B4GALNT4: variants seen among roughly 807,000 people sequenced by gnomAD.
B4GALNT4 encodes the protein N-acetyl-beta-glucosaminyl-glycoprotein 4-beta-N-acetylgalactosaminyltransferase 1.
Under a neutral mutation model 110.0 loss-of-function variants are expected in B4GALNT4, and 77 were observed. The observed-to-expected ratio is 0.70, with a 90% CI of 0.58 to 0.85. B4GALNT4 has a LOEUF of 0.85. B4GALNT4 is among the 40% of genes least tolerant of loss of function. B4GALNT4 has a pLI of 0.00. For missense variants in B4GALNT4, 1,575 were observed against 1,506.0 expected (o/e 1.05, Z -0.76); for synonymous variants, 785 against 655.5 (o/e 1.20, Z -3.02).
chr11:377,306 G>A lies in B4GALNT4; in HGVS notation c.2183G>A (p.Arg728Gln), dbSNP rs761017187. 1.3e-6 allele frequency: 2 copies of A among 1,555,578 alleles called. No homozygotes were observed. Among genetic ancestry groups the A allele is most frequent in the Admixed American group, 4.0e-5 (2 of 50,530 alleles). The stretch of plus-strand genomic sequence containing the variant: ...GACGTGACCGCTCAGTACATGGAGC[G>A]GCTGAACGCGCGCCACGGCGGGTAT... ...AVDVTAQYMERLNARHGGRFA... is the reference protein window; with the variant it reads ...AVDVTAQYMEQLNARHGGRFA... The change falls in exon 14 of 20, where the codon CGG (arginine) becomes CAG (glutamine). Residue 728 changes from arginine to glutamine, a missense_variant. Arg to Gln is a conservative substitution (Grantham distance 43). Transcript: ENST00000329962.
chr11:373,057 C>T lies in B4GALNT4; in HGVS notation c.476C>T (p.Ser159Phe). The T allele has an allele frequency of 6.2e-7, 1 of 1,612,492 alleles. No individual in the cohort carries two copies. The highest frequency in any genetic ancestry group is 8.5e-7 in the Non-Finnish European group (1 of 1,179,862). The stretch of plus-strand genomic sequence containing the variant: ...ACCACCGTGAAGAAGTTGGCCGTGT[C>T]CCCCAAGTGGAAGAACTATGGACTC... ...TRTTVKKLAV[S>F]PKWKNYGLRI... Residue 159 changes from serine to phenylalanine, a missense_variant, in exon 5 of 20, where the codon TCC becomes TTC. Physicochemically the swap from Ser to Phe is radical, Grantham distance 155 (BLOSUM62 -2). Transcript: ENST00000329962.
rs1033962655 is a variant in B4GALNT4, at chr11:377,323, G to T, written c.2200G>T (p.Gly734Cys). The T allele has an allele frequency of 1.3e-6, 2 of 1,533,410 alleles. No homozygotes were observed. Among genetic ancestry groups the T allele is most frequent in the Non-Finnish European group, 1.7e-6 (2 of 1,143,944 alleles). 95.0% of individuals were successfully genotyped at this position (1,533,410 alleles called of 1,614,324 possible). A position where few individuals can be genotyped will look rare whatever the true frequency, so the allele number is the denominator to read the frequency against. ...QYMERLNARH[G>C]GRFALLRIVN... ...CATGGAGCGGCTGAACGCGCGCCAC[G>T]GCGGGTATGGGGGCGGCCGAACGCG... Residue 734 changes from glycine to cysteine, a missense_variant, in exon 14 of 20, where the codon GGC (glycine) becomes TGC (cysteine). Gly to Cys is a radical substitution (Grantham distance 159, BLOSUM62 -3). Coordinates refer to ENST00000329962, the MANE Select transcript of B4GALNT4 (RefSeq NM_178537.5).
rs752424554 is a variant in B4GALNT4 at position 381,769 on chromosome 11, G to C, written c.3097G>C (p.Gly1033Arg). 6.3e-7 allele frequency: 1 copy of C among 1,583,496 alleles called. No individual in the cohort carries two copies. Among genetic ancestry groups the C allele is most frequent in the Non-Finnish European group, 8.6e-7 (1 of 1,168,608 alleles). The change falls in exon 20 of 20, where the codon GGC becomes CGC. Residue 1033 changes from glycine (G) to arginine (R), a missense_variant. By Grantham distance (125) the Gly-to-Arg change is moderately radical. Transcript: ENST00000329962. ...CATGTGGAGCGTCCGCAGCAGGAAG[G>C]GCTCTCGCACGGGGGCGTCTTGAGG... ...RGMWSVRSRK[G>R]SRTGAS
chr11:370,623 C>T (rs1229414712), intron 1 of B4GALNT4, among the ~76,000 whole-genome samples: 3 of 152,150 alleles, frequency 2.0e-5, no homozygotes, highest in Non-Finnish European at 4.4e-5. Flanking sequence ...TTGACATACA[C>T]CTTTGGGGGA....
Position 369,809 on chromosome 11 carries a change from G to A in B4GALNT4, c.6G>A (p.Pro2=), listed in dbSNP as rs1015384656. Residue 2 remains proline (P), a synonymous_variant, in exon 1 of 20, where the codon CCG becomes CCA. Coordinates refer to ENST00000329962, the MANE Select transcript of B4GALNT4 (RefSeq NM_178537.5). ...GGGCGGGCGCGGCGGCCGCGATGCCGCGGCTCCCGGTGAAGAAGATCCGTA... is the reference window on the plus strand; with the variant it reads ...GGGCGGGCGCGGCGGCCGCGATGCCACGGCTCCCGGTGAAGAAGATCCGTA... The part of the protein sequence containing the change: M[P]RLPVKKIRKQ... 2.6e-5 allele frequency: 26 copies of A among 981,308 alleles called. No homozygotes were observed. The highest frequency in any genetic ancestry group is 3.0e-5 in the Non-Finnish European group (25 of 828,582). The allele number at this position is 981,308 out of a possible 1,614,324, so 60.8% of individuals were successfully genotyped here. A position where few individuals can be genotyped will look rare whatever the true frequency, so the allele number is the denominator to read the frequency against.
rs7480018 is a variant in B4GALNT4 at position 381,041 on chromosome 11, C to T, written c.2996+90C>T. On this transcript the variant is annotated intron_variant, in intron 19 of 19. Transcript: ENST00000329962. ...GAAGGGGGATTTATGCCCCCCACGG[C>T]GCCCACATGCTGAGAGAACTCTGCC... 2,868 of 1,519,778 alleles carry T rather than the reference C, an allele frequency of 1.9e-3. 53 individuals are homozygous for T. The African/African-American group carries it at 0.034, about 18-fold the overall frequency. 94.1% of individuals were successfully genotyped at this position (1,519,778 alleles called of 1,614,324 possible).
chr11:377,936 G>C (rs929396456), intron 14 of B4GALNT4, among the ~76,000 whole-genome samples: 2 of 152,248 alleles, frequency 1.3e-5, no homozygotes, highest in Admixed American at 1.3e-4. Flanking sequence ...GAGGCCTGTG[G>C]AGTTCTAAGA....
In B4GALNT4 at chr11:380,172, C is replaced by T; in HGVS notation, c.2685C>T (p.Ala895=). 1 of 1,603,896 alleles carries T rather than the reference C, an allele frequency of 6.2e-7. No individual in the cohort carries two copies. Among genetic ancestry groups the T allele is most frequent in the Non-Finnish European group, 8.5e-7 (1 of 1,173,036 alleles). The change falls in exon 17 of 20, where the codon GCC becomes GCT. Residue 895 remains alanine, a synonymous_variant. Transcript: ENST00000329962. ...GAACCGGGAACTTCGAGCGCTCCGC[C>T]GGGCTGCAGGCGGGAGTGGACGCGG... ...LRRTGNFERS[A]GLQAGVDAVE... is the part of the protein sequence containing the mutation.
chr11:376,238 C>A lies in B4GALNT4; in HGVS notation c.1197-13C>A. The A allele has an allele frequency of 6.2e-7, 1 of 1,605,700 alleles. No individual in the cohort carries two copies. The highest frequency in any genetic ancestry group is 1.3e-5 in the African/African-American group (1 of 74,802). On this transcript the variant is annotated splice_polypyrimidine_tract_variant and intron_variant, in intron 12 of 19. Transcript: ENST00000329962. The stretch of plus-strand genomic sequence containing the variant: ...GGGGCGGGACTCGGCTCTGATGCCC[C>A]GCCGCGCCCCAGGTTTGGGTTCTAT...
Position 379,995 on chromosome 11 carries a change from C to A in B4GALNT4, c.2618C>A (p.Ala873Asp), listed in dbSNP as rs1370580496. 2 of 1,612,686 alleles carry A rather than the reference C, an allele frequency of 1.2e-6. No homozygotes were observed. Among genetic ancestry groups the A allele is most frequent in the Non-Finnish European group, 1.7e-6 (2 of 1,179,708 alleles). Residue 873 changes from alanine (A) to aspartate (D), a missense_variant, in exon 16 of 20, where the codon GCC becomes GAC. Coordinates refer to ENST00000329962, the MANE Select transcript of B4GALNT4 (RefSeq NM_178537.5). ...FESEDMDVER[A>D]LRAARLPRYQ... ...AGCGAGGATATGGACGTGGAGCGGG[C>A]CCTGCGCGCCGCGCGCCTGCCCCGG...
chr11:380,790 T>C (rs1286336708), intron 18 of B4GALNT4, 35 bp from the exon 19 acceptor site: 1 of 1,613,422 alleles, frequency 6.2e-7, no homozygotes, highest in African/African-American at 1.3e-5. Context: ...CAGGACCTGG[T>C]CTGAAGGGTA....
At chr11:380,639 C>A in intron 18 of B4GALNT4, 186 bp from the exon 19 acceptor site, 1 of 1,250,416 alleles carries the variant, frequency 8.0e-7, no homozygotes, top group Non-Finnish European at 1.1e-6. Flanking sequence ...GGAACCTCCT[C>A]CAGTATCCCG....
At position 376,739 on chromosome 11, in the gene B4GALNT4, G is replaced by A. The variant is rs760643607; in HGVS notation, c.1616G>A (p.Arg539Gln). 5 of 1,395,714 alleles carry A rather than the reference G, an allele frequency of 3.6e-6. No individual in the cohort carries two copies. Among genetic ancestry groups the A allele is most frequent in the South Asian group, 1.5e-5 (1 of 68,032 alleles). 86.5% of individuals were successfully genotyped at this position (1,395,714 alleles called of 1,614,324 possible). The stretch of plus-strand genomic sequence containing the variant: ...CGGCCGGGACAGCGGGCATCCCCCC[G>A]GGCCCCAGCGCCGCGTGCGCCCTGG... ...RVRPGQRASP[R>Q]APAPRAPWPP... The change falls in exon 14 of 20, where the codon CGG (arginine) becomes CAG (glutamine). Residue 539 changes from arginine to glutamine, a missense_variant. Coordinates refer to ENST00000329962, the MANE Select transcript of B4GALNT4 (RefSeq NM_178537.5).
rs551729857 is a variant in B4GALNT4 at position 374,255 on chromosome 11, G to GA, written c.783+433dup. On this transcript the variant is annotated intron_variant, in intron 8 of 19. Transcript: ENST00000329962. ...TGAGGCCATTGGATTTGCATTCCAG[G>GA]AAAAAACCCCTGGCCACAAAGCGGA... Among the ~76,000 whole-genome samples, 928 of 152,152 alleles carry GA rather than the reference G, an allele frequency of 6.1e-3. 8 individuals are homozygous for GA. The highest frequency in any genetic ancestry group is 0.022 in the African/African-American group (898 of 41,498).
In B4GALNT4 at chr11:376,792, C is replaced by G. The variant is rs1846765806; in HGVS notation, c.1669C>G (p.Pro557Ala). 2.2e-6 allele frequency: 3 copies of G among 1,390,486 alleles called. No homozygotes were observed. Among genetic ancestry groups the G allele is most frequent in the East Asian group, 3.4e-5 (1 of 29,806 alleles). 86.1% of individuals were successfully genotyped at this position (1,390,486 alleles called of 1,614,324 possible). The change falls in exon 14 of 20, where the codon CCC (proline) becomes GCC (alanine). Residue 557 changes from proline to alanine, a missense_variant. Coordinates refer to ENST00000329962, the MANE Select transcript of B4GALNT4 (RefSeq NM_178537.5). ...WPPFPGVFLH[P>A]RPLPRVQLRA... is the part of the protein sequence containing the mutation. ...GCCCTTCCCTGGCGTCTTCCTGCAC[C>G]CCAGGCCTCTGCCCAGAGTGCAGCT...
intron 1 of B4GALNT4, among the ~76,000 whole-genome samples, chr11:371,819 C>T (rs1590333840): frequency 6.6e-6 from 1 of 152,238 alleles, no homozygotes; most frequent in Admixed American, 6.5e-5. Flanking sequence ...CGCCAGCTGG[C>T]CCACCCGGCT....
At position 372,719 on chromosome 11, in the gene B4GALNT4, A is replaced by C; in HGVS notation, c.313A>C (p.Asn105His). Residue 105 changes from asparagine (N) to histidine (H), a missense_variant, in exon 3 of 20, where the codon AAC becomes CAC. Asn to His is a moderately conservative substitution (Grantham distance 68). Coordinates refer to ENST00000329962, the MANE Select transcript of B4GALNT4 (RefSeq NM_178537.5). ...FPGGAGRLPL[N>H]FTHQTPPWRE... is the part of the protein sequence containing the mutation. The stretch of plus-strand genomic sequence containing the variant: ...TGGGGGGGCTGGGAGGCTGCCACTG[A>C]ACTTCACCCATCAGACACCCCCATG... 1 of 1,610,228 alleles carries C rather than the reference A, an allele frequency of 6.2e-7. No individual in the cohort carries two copies. Among genetic ancestry groups the C allele is most frequent in the East Asian group, 2.2e-5 (1 of 44,736 alleles).
intron 19 of B4GALNT4, 99 bp from the exon 20 acceptor site, chr11:381,570 C>T (rs1309705901): frequency 4.5e-5 from 22 of 483,588 alleles, no homozygotes; most frequent in Admixed American, 2.2e-4. Context: ...CCCCCGGCCC[C>T]GGGTTCCTGA....
Position 382,025 on chromosome 11 carries a change from G to C in B4GALNT4, c.*233G>C. On this transcript the variant is annotated 3_prime_UTR_variant, in exon 20 of 20. Coordinates refer to ENST00000329962, the MANE Select transcript of B4GALNT4 (RefSeq NM_178537.5). ...TCTGCGATGATTTCTGTGAAATTTT[G>C]CTGTAGCGATGACATTGTTTTCAGA... 2 of 428,470 alleles carry C rather than the reference G, an allele frequency of 4.7e-6. No homozygotes were observed. The highest frequency in any genetic ancestry group is 8.4e-5 in the South Asian group (2 of 23,760). 26.5% of individuals were successfully genotyped at this position (428,470 alleles called of 1,614,324 possible).
Sources: gnomAD v4.1 joint callset for allele counts (sites outside exome capture counted in the v4.1 genomes callset) on GRCh38, gnomAD v4.1.1 for gene constraint, MANE v1.5 for transcripts, NCBI Gene and HGNC (gene_info 2026-07-23, HGNC 2026-07-21) for gene names.